GALNTL6: variants seen among roughly 807,000 people sequenced by gnomAD.
GALNTL6 encodes the protein polypeptide N-acetylgalactosaminyltransferase-like 6.
In GALNTL6, 46 loss-of-function variants were observed where a neutral mutation model predicts 73.7. That is an observed-to-expected ratio of 0.62 (90% CI 0.49 to 0.80). The LOEUF is 0.80. Among genes scored for constraint, GALNTL6 ranks in the 30% least tolerant of loss-of-function variants. The pLI, the probability that GALNTL6 is intolerant of heterozygous loss-of-function variation, is 0.00. For synonymous variants in GALNTL6, 259 were observed against 263.7 expected (o/e 0.98, Z 0.17); for missense variants, 604 against 755.0 (o/e 0.80, Z 2.34).
intron 2 of GALNTL6, among the ~76,000 whole-genome samples, chr4:172,145,825 A>C (rs1471337919): frequency 6.6e-6 from 1 of 152,182 alleles, no homozygotes; most frequent in Non-Finnish European, 1.5e-5. Context: ...CAATTAACAG[A>C]AGAAAAACAC....
chr4:172,930,863 T>C (rs1748294264), intron 8 of GALNTL6, among the ~76,000 whole-genome samples: 3 of 152,028 alleles, frequency 2.0e-5, no homozygotes, highest in Admixed American at 6.6e-5. Context: ...TGTGGTTTCG[T>C]CATGTTGCCC....
chr4:171,882,112 T>C (rs1736466886), intron 2 of GALNTL6, among the ~76,000 whole-genome samples: 1 of 152,200 alleles, frequency 6.6e-6, no homozygotes, highest in African/African-American at 2.4e-5. Flanking sequence ...TCTTTGTCTC[T>C]TTTCTGGAAA....
chr4:172,177,834 CATATATATGTGTATATATATACACACAT>C (rs1487252020), intron 2 of GALNTL6, among the ~76,000 whole-genome samples: 1 of 68,430 alleles, frequency 1.5e-5, no homozygotes, highest in Non-Finnish European at 3.3e-5. Context: ...TATACACACA[CATATATATGTGTATATATATACACACAT>C]ACTAAGGCAT....
At chr4:172,043,589 G>A (rs1020978013) in intron 2 of GALNTL6, among the ~76,000 whole-genome samples, 10 of 151,970 alleles carry the variant, frequency 6.6e-5, no homozygotes, top group African/African-American at 1.7e-4. Context: ...TTTATTTATA[G>A]GATTAGAATA....
intron 5 of GALNTL6, among the ~76,000 whole-genome samples, chr4:172,467,824 TTCTTTCTTTC>T (rs1353797481): frequency 6.8e-6 from 1 of 147,494 alleles, no homozygotes; most frequent in Non-Finnish European, 1.5e-5. Flanking sequence ...CTTTCTTTCT[TTCTTTCTTTC>T]TTTCTTTCTT....
intron 5 of GALNTL6, among the ~76,000 whole-genome samples, chr4:172,590,858 A>G (rs1737609999): frequency 6.6e-6 from 1 of 152,154 alleles, no homozygotes; most frequent in Non-Finnish European, 1.5e-5. Flanking sequence ...TATAAATGAT[A>G]TTAGATCCAA....
chr4:172,847,819 A>T (rs537687855), intron 7 of GALNTL6, among the ~76,000 whole-genome samples: 1 of 152,310 alleles, frequency 6.6e-6, no homozygotes, highest in East Asian at 1.9e-4. Flanking sequence ...TTCCAAACTT[A>T]CAAGACATGA....
At chr4:172,077,128 A>C (rs1243847646) in intron 2 of GALNTL6, among the ~76,000 whole-genome samples, 1 of 152,178 alleles carries the variant, frequency 6.6e-6, no homozygotes, top group Non-Finnish European at 1.5e-5. Context: ...TTTCTTCATA[A>C]ATTACCAGTC....
chr4:172,079,182 G>A (rs866796839), intron 2 of GALNTL6, among the ~76,000 whole-genome samples: 5 of 151,532 alleles, frequency 3.3e-5, no homozygotes, highest in South Asian at 2.1e-4. Flanking sequence ...TGGTAGTAAA[G>A]TTTATCCTCA....
intron 5 of GALNTL6, among the ~76,000 whole-genome samples, chr4:172,567,010 C>T (rs1472708432): frequency 6.6e-6 from 1 of 150,718 alleles, no homozygotes; most frequent in Non-Finnish European, 1.5e-5. Context: ...CAACTTTTGA[C>T]ACTGTGAAGC....
At chr4:172,420,250 C>A (rs189407590) in intron 5 of GALNTL6, among the ~76,000 whole-genome samples, 1 of 152,282 alleles carries the variant, frequency 6.6e-6, no homozygotes, top group Admixed American at 6.5e-5. Context: ...AGGGTCATTT[C>A]AGCTTACATT....
At chr4:171,908,393 A>G (rs1318395968) in intron 2 of GALNTL6, among the ~76,000 whole-genome samples, 2 of 152,140 alleles carry the variant, frequency 1.3e-5, no homozygotes, top group African/African-American at 4.8e-5. Context: ...AACACACGAA[A>G]AAATGCTCAC....
intron 5 of GALNTL6, among the ~76,000 whole-genome samples, chr4:172,629,450 T>C (rs912011146): frequency 6.6e-6 from 1 of 152,214 alleles, no homozygotes; most frequent in Non-Finnish European, 1.5e-5. Flanking sequence ...TATTAATTAT[T>C]AATACTCTTT....
intron 2 of GALNTL6, among the ~76,000 whole-genome samples, chr4:172,012,127 G>C (rs1741028301): frequency 6.6e-6 from 1 of 152,004 alleles, no homozygotes; most frequent in East Asian, 1.9e-4. Flanking sequence ...CACGCATTTA[G>C]GGCCATAAAG....
chr4:172,086,370 CTA>C (rs757841668), intron 2 of GALNTL6, among the ~76,000 whole-genome samples: 11 of 152,074 alleles, frequency 7.2e-5, no homozygotes, highest in Non-Finnish European at 1.3e-4. Flanking sequence ...TCAAAAATAA[CTA>C]TTTTTAAGAA....
At chr4:172,695,547 A>G (rs1010634707) in intron 5 of GALNTL6, among the ~76,000 whole-genome samples, 22 of 152,340 alleles carry the variant, frequency 1.4e-4, no homozygotes, top group Non-Finnish European at 3.1e-4. Context: ...ACTATTTGTT[A>G]GAGGCTGATT....
At chr4:172,960,380 G>A (rs551620095) in intron 10 of GALNTL6, among the ~76,000 whole-genome samples, 3 of 152,336 alleles carry the variant, frequency 2.0e-5, no homozygotes, top group African/African-American at 7.2e-5. Flanking sequence ...CAGACCGGGT[G>A]TGAGGAGGGG....
intron 5 of GALNTL6, among the ~76,000 whole-genome samples, chr4:172,524,027 T>C (rs1734869869): frequency 6.6e-6 from 1 of 152,182 alleles, no homozygotes; most frequent in South Asian, 2.1e-4. Flanking sequence ...ATAAGTTCTA[T>C]GGTAATTGTA....
intron 5 of GALNTL6, among the ~76,000 whole-genome samples, chr4:172,559,530 A>G (rs1238200086): frequency 3.9e-5 from 6 of 152,226 alleles, no homozygotes; most frequent in Admixed American, 3.9e-4. Context: ...CTCTGAATAC[A>G]TCATAATCCG....
Sources: gnomAD v4.1 joint callset for allele counts (sites outside exome capture counted in the v4.1 genomes callset) on GRCh38, gnomAD v4.1.1 for gene constraint, MANE v1.5 for transcripts, NCBI Gene and HGNC (gene_info 2026-07-23, HGNC 2026-07-21) for gene names.